The following ANO10 variants were observed in gnomAD, a reference collection of about 807,000 sequenced individuals.
ANO10 encodes anoctamin 10, also known as anoctamin-10.
In ANO10, 77 loss-of-function variants were observed where a neutral mutation model predicts 74.7. That is an observed-to-expected ratio of 1.03 (90% CI 0.86 to 1.25). The LOEUF (loss-of-function observed/expected upper bound fraction) is 1.25, where lower values mean the gene tolerates loss of function less well. Among genes scored for constraint, ANO10 ranks in the 50% most tolerant of loss-of-function variants. ANO10 has a pLI of 0.00. For missense variants in ANO10, 721 were observed against 778.1 expected (o/e 0.93, Z 0.87); for synonymous variants, 279 against 284.9 (o/e 0.98, Z 0.21).
At chr3:43,529,896 A>G (rs1261893283) in intron 11 of ANO10, among the ~76,000 whole-genome samples, 1 of 152,172 alleles carries the variant, frequency 6.6e-6, no homozygotes, top group East Asian at 1.9e-4. Context: ...TATATATAAC[A>G]TAAAATAATA....
intron 11 of ANO10, among the ~76,000 whole-genome samples, chr3:43,516,366 C>T (rs1162621834): frequency 6.6e-6 from 1 of 152,058 alleles, no homozygotes; most frequent in African/African-American, 2.4e-5. Flanking sequence ...AAACTCCAGG[C>T]AAAGACACAA....
At chr3:43,577,415 A>G (rs1425249074) in intron 5 of ANO10, among the ~76,000 whole-genome samples, 154 bp from the exon 6 acceptor site, 1 of 152,234 alleles carries the variant, frequency 6.6e-6, no homozygotes, top group Non-Finnish European at 1.5e-5. Context: ...TCCATGCAGT[A>G]TAAAGACCCT....
intron 11 of ANO10, among the ~76,000 whole-genome samples, chr3:43,461,144 G>T (rs940625362): frequency 6.6e-6 from 1 of 151,834 alleles, no homozygotes; most frequent in African/African-American, 2.4e-5. Context: ...AAGAATAAAA[G>T]AAGAAAGACA....
rs1365986557 is a variant in ANO10 at position 43,565,686 on chromosome 3, G to A, written c.1260C>T (p.Ala420=). ...LNCFASLFYI[A]FVLKDMKLLR... Reference sequence around the variant, plus strand: ...AAAGCTTCATATCTTTCAAGACAAAGGCAATATAGAAGAGTGAGGCAAAGC... The same window carrying A: ...AAAGCTTCATATCTTTCAAGACAAAAGCAATATAGAAGAGTGAGGCAAAGC... The change falls in exon 8 of 13, where the codon GCC becomes GCT. Residue 420 remains alanine (A), a synonymous_variant. Coordinates refer to ENST00000292246, the MANE Select transcript of ANO10 (RefSeq NM_018075.5). 1.9e-6 allele frequency: 3 copies of A among 1,575,972 alleles called. No individual in the cohort carries two copies. Among genetic ancestry groups the A allele is most frequent in the Non-Finnish European group, 2.6e-6 (3 of 1,160,712 alleles).
chr3:43,616,136 C>T (rs1197989538), intron 1 of ANO10, among the ~76,000 whole-genome samples: 3 of 152,136 alleles, frequency 2.0e-5, no homozygotes, highest in Non-Finnish European at 4.4e-5. Flanking sequence ...TCTTCCATCC[C>T]GCACCTATCC....
At chr3:43,375,309 G>A (rs768614099) in intron 12 of ANO10, among the ~76,000 whole-genome samples, 23 of 152,082 alleles carry the variant, frequency 1.5e-4, no homozygotes, top group Non-Finnish European at 2.4e-4. Flanking sequence ...ATAGACAGGC[G>A]TGGTGGCGGG....
At chr3:43,448,376 G>A (rs1266396361) in intron 11 of ANO10, among the ~76,000 whole-genome samples, 1 of 152,032 alleles carries the variant, frequency 6.6e-6, no homozygotes, top group Non-Finnish European at 1.5e-5. Flanking sequence ...ACTCCCAGCT[G>A]CCACTGATCT....
chr3:43,436,508 C>T (rs891069025), intron 11 of ANO10, among the ~76,000 whole-genome samples: 6 of 151,832 alleles, frequency 4.0e-5, no homozygotes, highest in African/African-American at 7.3e-5. Flanking sequence ...GGTGAGGAGA[C>T]GGGCAGAATT....
intron 1 of ANO10, among the ~76,000 whole-genome samples, chr3:43,616,710 CA>C (rs1389834549): frequency 6.6e-6 from 1 of 152,168 alleles, no homozygotes; most frequent in African/African-American, 2.4e-5. Context: ...AGTCACTCTA[CA>C]CTTGTGCCAG....
chr3:43,682,461 T>C (rs1174199404), intron 1 of ANO10, among the ~76,000 whole-genome samples: 3 of 151,934 alleles, frequency 2.0e-5, no homozygotes. Flanking sequence ...CAAAAAAAGT[T>C]CAGGACCAGA....
At chr3:43,510,900 A>G (rs1379049250) in intron 11 of ANO10, among the ~76,000 whole-genome samples, 1 of 152,202 alleles carries the variant, frequency 6.6e-6, no homozygotes, top group Non-Finnish European at 1.5e-5. Flanking sequence ...CTACAGTTGA[A>G]AAAACGATAT....
chr3:43,388,710 GAA>G (rs1054012976), intron 12 of ANO10, among the ~76,000 whole-genome samples: 31 of 152,172 alleles, frequency 2.0e-4, no homozygotes, highest in African/African-American at 7.5e-4. Flanking sequence ...ATATGTTACT[GAA>G]AAAAACTAAT....
chr3:43,576,774 A>G lies in ANO10; in HGVS notation c.1080T>C (p.Tyr360=), dbSNP rs2149401763. The change falls in exon 6 of 13, where the codon TAT becomes TAC. Residue 360 remains tyrosine, a synonymous_variant. Transcript: ENST00000292246. ...SGSEWTSVLL[Y]VPSIIYAIVI... Reference sequence around the variant, plus strand: ...CAATGGCATAGATGATGCTGGGCACATACAACAGGACACTGGTCCACTCAG... The same window carrying G: ...CAATGGCATAGATGATGCTGGGCACGTACAACAGGACACTGGTCCACTCAG... 2 of 1,614,196 alleles carry G rather than the reference A, an allele frequency of 1.2e-6. No homozygotes were observed. Among genetic ancestry groups the G allele is most frequent in the Non-Finnish European group, 1.7e-6 (2 of 1,180,030 alleles).
chr3:43,691,122 C>G, intron 1 of ANO10: 1 of 1,314,526 alleles, frequency 7.6e-7, no homozygotes, highest in Non-Finnish European at 9.8e-7. Flanking sequence ...CGGGCAGCAC[C>G]AAGGAGTCGC....
chr3:43,428,796 C>CAAAAAAAAA (rs56213626), intron 12 of ANO10, among the ~76,000 whole-genome samples: 999 of 55,414 alleles, frequency 0.018, 221 homozygotes, highest in African/African-American at 0.054. Context: ...TTTGTGAATG[C>CAAAAAAAAA]AAAAAAAAAA....
chr3:43,495,691 A>G (rs1412880704), intron 11 of ANO10, among the ~76,000 whole-genome samples: 2 of 151,912 alleles, frequency 1.3e-5, no homozygotes, highest in African/African-American at 4.8e-5. Flanking sequence ...TGCCTATCCA[A>G]TTTGTGAAAA....
intron 4 of ANO10, among the ~76,000 whole-genome samples, chr3:43,595,087 C>A (rs1168988222): frequency 6.6e-6 from 1 of 152,108 alleles, no homozygotes; most frequent in East Asian, 1.9e-4. Flanking sequence ...CCTGAATAGA[C>A]CAATAACAGA....
intron 1 of ANO10, among the ~76,000 whole-genome samples, chr3:43,615,537 A>C (rs2083054343): frequency 6.6e-6 from 1 of 152,176 alleles, no homozygotes; most frequent in African/African-American, 2.4e-5. Flanking sequence ...AATCAGAAAA[A>C]AAGTGGCTCT....
chr3:43,447,202 A>G (rs1004559700), intron 11 of ANO10, among the ~76,000 whole-genome samples: 1 of 152,230 alleles, frequency 6.6e-6, no homozygotes, highest in African/African-American at 2.4e-5. Context: ...ACAGGCAAGT[A>G]TATTTGTGGA....
Sources: gnomAD v4.1 joint callset for allele counts (sites outside exome capture counted in the v4.1 genomes callset) on GRCh38, gnomAD v4.1.1 for gene constraint, MANE v1.5 for transcripts, NCBI Gene and HGNC (gene_info 2026-07-23, HGNC 2026-07-21) for gene names.